Variants in TPST1 observed in about 807,000 individuals in gnomAD.
The protein encoded by TPST1 is tyrosylprotein sulfotransferase 1, also known as protein-tyrosine sulfotransferase 1.
Under a neutral mutation model 34.8 loss-of-function variants are expected in TPST1, and 20 were observed. The ratio of observed to expected loss-of-function variants is 0.57; its 90% CI spans 0.40 to 0.84. TPST1 has a LOEUF of 0.84. Ranked by LOEUF, TPST1 falls within the 40% of genes least tolerant of loss-of-function variation. The pLI is 0.00. For missense variants in TPST1, 353 were observed against 455.5 expected (o/e 0.78, Z 2.05); for synonymous variants, 152 against 159.4 (o/e 0.95, Z 0.35).
intron 2 of TPST1, 110 bp downstream of exon 2, chr7:66,241,380 A>G: frequency 1.5e-6 from 2 of 1,331,842 alleles, no homozygotes; most frequent in Non-Finnish European, 2.0e-6. Flanking sequence ...CTGTGTGTAT[A>G]TATAGAAACT....
upstream of TPST1, among the ~76,000 whole-genome samples, chr7:66,202,630 C>T (rs1359399467): frequency 6.6e-6 from 1 of 152,088 alleles, no homozygotes; most frequent in Non-Finnish European, 1.5e-5. Flanking sequence ...ATTACTGAGG[C>T]CATGGTGAGT....
intron 4 of TPST1, 115 bp from the exon 5 acceptor site, chr7:66,356,710 T>C (rs1792589380): frequency 8.5e-7 from 1 of 1,177,694 alleles, no homozygotes; most frequent in Admixed American, 1.9e-5. Context: ...GTGCACTGAG[T>C]TCATCTGAAA....
At position 66,320,610 on chromosome 7, in the gene TPST1, G is replaced by T. The variant is rs1054727437; in HGVS notation, c.1045-31895G>T. Among the ~76,000 whole-genome samples the T allele has an allele frequency of 5.4e-5, 8 of 148,266 alleles. No individual in the cohort carries two copies. The South Asian group carries it at 6.4e-4, about 12-fold the overall frequency. ...TTTGCATGTAGTCATAGTTTTTTTTGTGTGTGTGATGGAATTTCACTCTTG... is the reference window on the plus strand; with the variant it reads ...TTTGCATGTAGTCATAGTTTTTTTTTTGTGTGTGATGGAATTTCACTCTTG... On this transcript the variant is annotated intron_variant, in intron 3 of 5. Coordinates refer to ENST00000304842, the MANE Select transcript of TPST1 (RefSeq NM_003596.4).
chr7:66,242,355 T>G (rs937610025), intron 2 of TPST1, among the ~76,000 whole-genome samples: 4 of 152,104 alleles, frequency 2.6e-5, no homozygotes, highest in Non-Finnish European at 4.4e-5. Flanking sequence ...CTGTAAAAAA[T>G]ACTTTCCTTG....
At chr7:66,227,482 G>T (rs1789683492) in intron 1 of TPST1, among the ~76,000 whole-genome samples, 1 of 151,984 alleles carries the variant, frequency 6.6e-6, no homozygotes, top group East Asian at 1.9e-4. Flanking sequence ...GAGGGCAGTG[G>T]TGTGATCATG....
At chr7:66,311,927 A>G (rs1791540187) in intron 3 of TPST1, among the ~76,000 whole-genome samples, 1 of 152,208 alleles carries the variant, frequency 6.6e-6, no homozygotes, top group Admixed American at 6.5e-5. Flanking sequence ...TGGCACTGTC[A>G]TTCCATAAGT....
intron 5 of TPST1, 103 bp downstream of exon 5, chr7:66,356,974 C>T: frequency 8.6e-7 from 1 of 1,157,420 alleles, no homozygotes; most frequent in South Asian, 1.3e-5. Flanking sequence ...GTCCGTCTGC[C>T]AGGGTTGGAA....
intron 5 of TPST1, among the ~76,000 whole-genome samples, chr7:66,358,877 G>A (rs1043253305): frequency 2.0e-5 from 3 of 152,204 alleles, no homozygotes; most frequent in Non-Finnish European, 4.4e-5. Flanking sequence ...GACCGCATCA[G>A]CAGTTGCCTC....
chr7:66,317,793 T>C (rs1791665393), intron 3 of TPST1, among the ~76,000 whole-genome samples: 2 of 152,194 alleles, frequency 1.3e-5, no homozygotes, highest in Admixed American at 1.3e-4. Flanking sequence ...TTTGCATGAT[T>C]TTAAAAAAAT....
At chr7:66,301,373 T>C (rs1791312582) in intron 3 of TPST1, among the ~76,000 whole-genome samples, 1 of 152,228 alleles carries the variant, frequency 6.6e-6, no homozygotes, top group Non-Finnish European at 1.5e-5. Context: ...ACAGTAAGAC[T>C]CTCACTTTCT....
chr7:66,347,452 G>C (rs879653548), intron 3 of TPST1, among the ~76,000 whole-genome samples: 6 of 152,116 alleles, frequency 3.9e-5, no homozygotes, highest in Admixed American at 3.9e-4. Flanking sequence ...CCCAATGTAT[G>C]TTCTTGGCAC....
At chr7:66,345,088 G>A (rs6460292) in intron 3 of TPST1, among the ~76,000 whole-genome samples, 89,838 of 151,824 alleles carry the variant, frequency 0.59, 26,892 homozygotes, top group African/African-American at 0.67. Flanking sequence ...GGGAATAACA[G>A]AGGAAAAGAG....
chr7:66,312,998 G>A (rs1025010114), intron 3 of TPST1, among the ~76,000 whole-genome samples: 1 of 151,040 alleles, frequency 6.6e-6, no homozygotes, highest in Non-Finnish European at 1.5e-5. Flanking sequence ...AGAACATTAT[G>A]AAAACGTGTC....
chr7:66,353,699 G>A (rs112686388), intron 4 of TPST1, among the ~76,000 whole-genome samples: 4 of 152,302 alleles, frequency 2.6e-5, no homozygotes, highest in Admixed American at 6.5e-5. Flanking sequence ...CCAGCAAGGC[G>A]ATGATGCATG....
intron 1 of TPST1, among the ~76,000 whole-genome samples, chr7:66,240,006 C>T (rs1052328083): frequency 5.9e-5 from 9 of 152,030 alleles, no homozygotes; most frequent in Non-Finnish European, 1.2e-4. Context: ...CTCAGCCTCC[C>T]GAGTAGCTGG....
At chr7:66,199,378 G>A in the TPST1 span, among the ~76,000 whole-genome samples, 3 of 135,318 alleles carry the variant, frequency 2.2e-5, no homozygotes, top group African/African-American at 8.5e-5. Context: ...CACTGCAACC[G>A]CCACCTCCTG....
chr7:66,307,556 T>C (rs1791450273), intron 3 of TPST1, among the ~76,000 whole-genome samples: 1 of 152,220 alleles, frequency 6.6e-6, no homozygotes, highest in Non-Finnish European at 1.5e-5. Context: ...GAAATCTTCA[T>C]TGAGTAAAAG....
intron 1 of TPST1, among the ~76,000 whole-genome samples, chr7:66,209,082 C>T (rs568080327): frequency 5.3e-5 from 8 of 151,996 alleles, no homozygotes; most frequent in Admixed American, 3.3e-4. Context: ...AAGACCAGCC[C>T]GGCCACATGG....
intron 2 of TPST1, among the ~76,000 whole-genome samples, chr7:66,262,473 T>C (rs1279410219): frequency 6.6e-6 from 1 of 152,180 alleles, no homozygotes; most frequent in Non-Finnish European, 1.5e-5. Flanking sequence ...ACATTTTCAT[T>C]AAGGGTCATC....
Sources: allele counts gnomAD v4.1 joint callset (sites outside exome capture counted in the v4.1 genomes callset), GRCh38; gene constraint gnomAD v4.1.1; transcripts MANE v1.5; gene names NCBI Gene and HGNC (gene_info 2026-07-23, HGNC 2026-07-21).